CDIN1: variants seen among roughly 807,000 people sequenced by gnomAD.
CDIN1 encodes CDAN1 interacting nuclease 1.
In CDIN1, 33 loss-of-function variants were observed where a neutral mutation model predicts 45.3. The ratio of observed to expected loss-of-function variants is 0.73; its 90% CI spans 0.55 to 0.97. CDIN1 has a LOEUF of 0.97. CDIN1 is among the 50% of genes least tolerant of loss of function. The pLI is 0.00. For synonymous variants in CDIN1, 118 were observed against 124.4 expected (o/e 0.95, Z 0.34); for missense variants, 303 against 339.4 (o/e 0.89, Z 0.84).
chr15:36,800,909 G>GTGTGTGTGTATATATA (rs1156514805), intron 10 of CDIN1, among the ~76,000 whole-genome samples: 1 of 22,390 alleles, frequency 4.5e-5, no homozygotes, highest in South Asian at 4.3e-3. Context: ...GTGTGTGTGT[G>GTGTGTGTGTATATATA]TATATATATA....
chr15:36,710,491 A>G (rs1016924556), intron 10 of CDIN1, among the ~76,000 whole-genome samples: 5 of 152,156 alleles, frequency 3.3e-5, no homozygotes, highest in African/African-American at 9.6e-5. Context: ...TTTACTGTTT[A>G]TCTACCACAT....
chr15:36,583,988 C>T (rs1485124555), intron 1 of CDIN1, among the ~76,000 whole-genome samples: 3 of 152,070 alleles, frequency 2.0e-5, no homozygotes, highest in African/African-American at 7.2e-5. Context: ...TGCACTCCAG[C>T]CTGGGTGACA....
At chr15:36,761,657 G>A (rs997808771) in intron 10 of CDIN1, among the ~76,000 whole-genome samples, 5 of 152,124 alleles carry the variant, frequency 3.3e-5, no homozygotes, top group African/African-American at 1.2e-4. Context: ...TTGTGACACC[G>A]CAACGAAAGC....
intron 1 of CDIN1, among the ~76,000 whole-genome samples, chr15:36,589,998 C>T (rs1214854106): frequency 6.6e-6 from 1 of 152,162 alleles, no homozygotes; most frequent in Non-Finnish European, 1.5e-5. Context: ...CCTCTCTTCC[C>T]GTCCCTACCC....
At chr15:36,668,114 GAGA>G (rs1276569681) in intron 5 of CDIN1, 1 of 152,100 alleles carries the variant, frequency 6.6e-6, no homozygotes, top group East Asian at 1.9e-4. Context: ...TTTTCAGCCT[GAGA>G]AGATGTTTTA....
chr15:36,635,522 C>A (rs1017431708), intron 1 of CDIN1, among the ~76,000 whole-genome samples: 34 of 151,964 alleles, frequency 2.2e-4, no homozygotes, highest in African/African-American at 8.2e-4. Flanking sequence ...TTGGGGTATC[C>A]TTGGGGGTCC....
At position 36,702,762 on chromosome 15, in the gene CDIN1, C is replaced by CT. The variant is rs531300119; in HGVS notation, c.544+5377dup. On this transcript the variant is annotated intron_variant, in intron 8 of 10. Transcript: ENST00000566621. ...AACAATATCATTAATATCTTTTGTC[C>CT]TTTTTGGGTTCTGCTCTTTTCTGTG... is the stretch of plus-strand genomic sequence containing the variant. Among the ~76,000 whole-genome samples the CT allele has an allele frequency of 8.7e-3, 1,319 of 152,198 alleles. 9 individuals are homozygous for CT. Among genetic ancestry groups the CT allele is most frequent in the Non-Finnish European group, 0.014 (956 of 67,994 alleles).
intron 5 of CDIN1, among the ~76,000 whole-genome samples, chr15:36,685,949 T>G (rs1186350354): frequency 6.6e-6 from 1 of 151,788 alleles, no homozygotes; most frequent in Non-Finnish European, 1.5e-5. Context: ...GGAACACTTT[T>G]ACACTGTTGG....
chr15:36,720,422 C>T (rs1272187846), intron 10 of CDIN1, among the ~76,000 whole-genome samples: 1 of 146,142 alleles, frequency 6.8e-6, no homozygotes, highest in Non-Finnish European at 1.5e-5. Context: ...TGCTATCCCT[C>T]CTCCCTCCCC....
At chr15:36,611,880 T>C (rs1835105429) in intron 1 of CDIN1, among the ~76,000 whole-genome samples, 2 of 152,244 alleles carry the variant, frequency 1.3e-5, no homozygotes, top group African/African-American at 4.8e-5. Context: ...CTTAAAGGAA[T>C]AACATATAGT....
chr15:36,700,253 A>C (rs1225196415), intron 8 of CDIN1, among the ~76,000 whole-genome samples: 1 of 152,182 alleles, frequency 6.6e-6, no homozygotes, highest in Non-Finnish European at 1.5e-5. Context: ...ATTGATTATA[A>C]GCACTCTGTG....
chr15:36,602,115 G>A (rs1003050962), intron 1 of CDIN1, among the ~76,000 whole-genome samples: 4 of 152,174 alleles, frequency 2.6e-5, no homozygotes, highest in Non-Finnish European at 4.4e-5. Context: ...ATTCTTAAGC[G>A]TATGTGCTCA....
At chr15:36,643,020 T>C (rs2040173576) in intron 1 of CDIN1, among the ~76,000 whole-genome samples, 3 of 152,086 alleles carry the variant, frequency 2.0e-5, no homozygotes, top group Non-Finnish European at 4.4e-5. Flanking sequence ...CCAGGCAAAA[T>C]AGGAAGATTT....
chr15:36,694,305 AT>A (rs1203512930), intron 7 of CDIN1, among the ~76,000 whole-genome samples: 9 of 152,200 alleles, frequency 5.9e-5, no homozygotes, highest in African/African-American at 2.2e-4. Flanking sequence ...TTCACACTGA[AT>A]AAAAATTATT....
intron 4 of CDIN1, among the ~76,000 whole-genome samples, chr15:36,655,797 T>G (rs1158431585): frequency 1.3e-5 from 2 of 152,220 alleles, no homozygotes; most frequent in African/African-American, 4.8e-5. Flanking sequence ...GCAAATATGG[T>G]ACCCATCTAT....
intron 3 of CDIN1, among the ~76,000 whole-genome samples, chr15:36,650,599 T>C (rs957616515): frequency 6.6e-6 from 1 of 151,780 alleles, no homozygotes; most frequent in African/African-American, 2.4e-5. Context: ...CGCGCCACCA[T>C]GCTGGGCTAA....
intron 1 of CDIN1, among the ~76,000 whole-genome samples, chr15:36,605,661 C>G (rs1202525389): frequency 6.6e-6 from 1 of 152,176 alleles, no homozygotes; most frequent in African/African-American, 2.4e-5. Flanking sequence ...TGTTGACTGT[C>G]CCCATTTACA....
chr15:36,605,205 C>G (rs1303986289), intron 1 of CDIN1, among the ~76,000 whole-genome samples: 1 of 152,052 alleles, frequency 6.6e-6, no homozygotes, highest in East Asian at 1.9e-4. Flanking sequence ...GTGTATAATA[C>G]TTTTGTAAAG....
intron 3 of CDIN1, 51 bp from the exon 4 acceptor site, chr15:36,654,047 A>G (rs1197082133): frequency 3.6e-6 from 5 of 1,385,376 alleles, no homozygotes; most frequent in Non-Finnish European, 4.0e-6. Context: ...TGACAAGTCT[A>G]TGCTGGCCTT....
Sources: gnomAD v4.1 joint callset for allele counts (sites outside exome capture counted in the v4.1 genomes callset) on GRCh38, gnomAD v4.1.1 for gene constraint, MANE v1.5 for transcripts, NCBI Gene and HGNC (gene_info 2026-07-23, HGNC 2026-07-21) for gene names.